The following HDAC9 variants were observed in gnomAD, a reference collection of about 807,000 sequenced individuals.
HDAC9 encodes histone deacetylase 9, also known as MEF-2 interacting transcription repressor (MITR) protein.
In HDAC9, 41 loss-of-function variants were observed where a neutral mutation model predicts 139.4. That is an observed-to-expected ratio of 0.29 (90% confidence interval 0.23 to 0.38). The LOEUF is 0.38. HDAC9 is among the 10% of genes least tolerant of loss of function. The probability of loss-of-function intolerance (pLI) is 1.00; values close to 1 mark genes in which losing one functional copy is unlikely to be tolerated. For missense variants in HDAC9, 1,147 were observed against 1,297.0 expected (o/e 0.88, Z 1.78); for synonymous variants, 517 against 476.2 (o/e 1.09, Z -1.12).
chr7:18,095,196 C>T (rs868147485), intron 1 of HDAC9, among the ~76,000 whole-genome samples: 2 of 152,144 alleles, frequency 1.3e-5, no homozygotes, highest in East Asian at 3.9e-4. Context: ...GTGTATGTCC[C>T]ACCTCTTCTG....
intron 22 of HDAC9, among the ~76,000 whole-genome samples, chr7:18,910,741 C>T (rs1019073184): frequency 5.9e-5 from 9 of 151,956 alleles, no homozygotes; most frequent in Admixed American, 4.6e-4. Flanking sequence ...ATTCTGTTGA[C>T]GTGATGTACC....
At chr7:18,577,388 C>T (rs909590260) in intron 2 of HDAC9, among the ~76,000 whole-genome samples, 5 of 152,188 alleles carry the variant, frequency 3.3e-5, no homozygotes, top group Non-Finnish European at 5.9e-5. Context: ...TTTTTGGTGG[C>T]ATAGGGAGGG....
chr7:18,804,541 A>G (rs1439534642), intron 17 of HDAC9, among the ~76,000 whole-genome samples: 2 of 152,208 alleles, frequency 1.3e-5, no homozygotes, highest in Admixed American at 1.3e-4. Flanking sequence ...TTTGCCACAC[A>G]TTTGGCCTTT....
At chr7:18,353,642 G>T (rs1003866633) in intron 1 of HDAC9, among the ~76,000 whole-genome samples, 1 of 152,132 alleles carries the variant, frequency 6.6e-6, no homozygotes, top group Non-Finnish European at 1.5e-5. Context: ...TGTATCTTGG[G>T]TATCAACAGC....
chr7:18,928,248 A>C (rs2129302549), intron 22 of HDAC9, among the ~76,000 whole-genome samples: 1 of 152,362 alleles, frequency 6.6e-6, no homozygotes, highest in South Asian at 2.1e-4. Flanking sequence ...TAATAGAAAC[A>C]GATTTTGTGG....
At position 19,001,995 on chromosome 7, in the gene HDAC9, T is replaced by C. The variant is rs1786774504; in HGVS notation, c.*5933T>C. On this transcript the variant is annotated 3_prime_UTR_variant, in exon 26 of 26. Transcript: ENST00000686413. ...AAATGTCTTTTCTATTGTGGTCTGA[T>C]ATCCGTTTCTGTAATAAGATCAGTT... The C allele has an allele frequency of 6.6e-6, 1 of 152,104 alleles. No individual in the cohort carries two copies. The highest frequency in any genetic ancestry group is 2.4e-5 in the African/African-American group (1 of 41,454). The allele number at this position is 152,104 out of a possible 1,614,324, so 9.4% of individuals were successfully genotyped here.
rs539309504 is a variant in HDAC9 at position 18,793,662 on chromosome 7, A to G, written c.2322+210A>G. ...TCAGGGCCTTCTTCTGCCTGAGAAC[A>G]CTCTGCAGTCAGGGCCCACCGGTGT... On this transcript the variant is annotated intron_variant, in intron 17 of 25. Transcript: ENST00000686413. 3.9e-5 allele frequency among the ~76,000 whole-genome samples: 6 copies of G among 152,054 alleles called. No homozygotes were observed. The East Asian group carries it at 1.2e-3, about 29-fold the overall frequency.
At chr7:18,585,172 T>C (rs1829064338) in intron 2 of HDAC9, 109 bp from the exon 3 acceptor site, 2 of 1,208,312 alleles carry the variant, frequency 1.7e-6, no homozygotes. Context: ...TGGCATAAAA[T>C]TTGTTGTACA....
At chr7:18,739,817 G>T (rs1787280385) in intron 13 of HDAC9, among the ~76,000 whole-genome samples, 1 of 152,228 alleles carries the variant, frequency 6.6e-6, no homozygotes, top group African/African-American at 2.4e-5. Context: ...AGACAGGGAC[G>T]TTTAAGTCTG....
Position 18,666,216 on chromosome 7 carries a change from C to T in HDAC9, c.1471C>T (p.Leu491Phe), listed in dbSNP as rs1794822619. 1 of 1,609,070 alleles carries T rather than the reference C, an allele frequency of 6.2e-7. No homozygotes were observed. Among genetic ancestry groups the T allele is most frequent in the Admixed American group, 1.7e-5 (1 of 59,692 alleles). Residue 491 changes from leucine (L) to phenylalanine (F), a missense_variant, in exon 12 of 26, where the codon CTT becomes TTT. Leu to Phe is a conservative substitution (Grantham distance 22, BLOSUM62 0). This residue lies in a region of HDAC9 where 256 missense variants were observed against 219.2 expected (regional missense o/e 1.17). Coordinates refer to ENST00000686413, the MANE Select transcript of HDAC9 (RefSeq NM_178425.4). ...ACCCCTGAACACTCTCTTCTAGCTGCTTTCGAAATCTATTGAACAACTGAA... is the reference window on the plus strand; with the variant it reads ...ACCCCTGAACACTCTCTTCTAGCTGTTTTCGAAATCTATTGAACAACTGAA... ...YQQQIHMNKL[L>F]SKSIEQLKQP...
At chr7:18,602,574 A>T (rs1834268391) in intron 6 of HDAC9, among the ~76,000 whole-genome samples, 1 of 151,788 alleles carries the variant, frequency 6.6e-6, no homozygotes, top group Admixed American at 6.6e-5. Context: ...CTTCTAATAT[A>T]TACACAATGC....
At chr7:18,919,431 T>A (rs1348196710) in intron 22 of HDAC9, among the ~76,000 whole-genome samples, 1 of 152,004 alleles carries the variant, frequency 6.6e-6, no homozygotes, top group East Asian at 1.9e-4. Context: ...GTTGTATCAT[T>A]CTAGAATTAA....
At chr7:18,137,893 C>T (rs1317621501) in intron 1 of HDAC9, among the ~76,000 whole-genome samples, 4 of 151,846 alleles carry the variant, frequency 2.6e-5, no homozygotes, top group Admixed American at 6.6e-5. Flanking sequence ...CCAGTTCCTC[C>T]TTGTACCTCT....
chr7:18,112,622 T>C (rs897756625), intron 1 of HDAC9, among the ~76,000 whole-genome samples: 9 of 152,244 alleles, frequency 5.9e-5, no homozygotes, highest in Non-Finnish European at 1.3e-4. Flanking sequence ...TAAGAAACAG[T>C]TGGCTATATG....
intron 1 of HDAC9, among the ~76,000 whole-genome samples, chr7:18,298,712 A>C (rs190869656): frequency 6.6e-6 from 1 of 152,308 alleles, no homozygotes; most frequent in Non-Finnish European, 1.5e-5. Flanking sequence ...TTCTTAAGTC[A>C]ATTTTTATGT....
At chr7:18,413,087 A>G (rs900379413) in intron 1 of HDAC9, among the ~76,000 whole-genome samples, 2 of 152,216 alleles carry the variant, frequency 1.3e-5, no homozygotes, top group African/African-American at 2.4e-5. Context: ...AATTTCATTT[A>G]AAGGCATTCA....
chr7:18,706,263 A>G (rs1017599024), intron 12 of HDAC9, among the ~76,000 whole-genome samples: 1 of 142,890 alleles, frequency 7.0e-6, no homozygotes, highest in African/African-American at 2.6e-5. Flanking sequence ...TTCCATATGG[A>G]TGCTGATGGC....
intron 12 of HDAC9, among the ~76,000 whole-genome samples, chr7:18,721,295 A>T: frequency 6.6e-6 from 1 of 151,792 alleles, no homozygotes; most frequent in African/African-American, 2.4e-5. Context: ...TCCCTTCTGA[A>T]TTTGCTGTTT....
intron 12 of HDAC9, among the ~76,000 whole-genome samples, chr7:18,711,903 C>A (rs1784371069): frequency 6.6e-6 from 1 of 151,742 alleles, no homozygotes. Context: ...TGTCTTTTCC[C>A]ATCTCTTCTC....
Sources: gnomAD v4.1 joint callset for allele counts (sites outside exome capture counted in the v4.1 genomes callset) on GRCh38, gnomAD v4.1.1 for gene constraint, gnomAD v4.1.1 regional missense constraint, MANE v1.5 for transcripts, NCBI Gene and HGNC (gene_info 2026-07-23, HGNC 2026-07-21) for gene names.